The following FLT1 variants were observed in gnomAD, a reference collection of about 807,000 sequenced individuals.
The protein encoded by FLT1 is vascular endothelial growth factor receptor 1.
In FLT1, 49 loss-of-function variants were observed where a neutral mutation model predicts 156.3. The observed-to-expected ratio is 0.31, with a 90% CI of 0.25 to 0.40. FLT1 has a LOEUF of 0.40. Ranked by LOEUF, FLT1 falls within the 10% of genes least tolerant of loss-of-function variation. The probability of loss-of-function intolerance (pLI) is 1.00; values close to 1 mark genes in which losing one functional copy is unlikely to be tolerated. For missense variants in FLT1, 1,322 were observed against 1,637.2 expected, an observed-to-expected ratio of 0.81 and a Z score of 3.32; for synonymous variants, 594 against 583.8, an observed-to-expected ratio of 1.02 and a Z score of -0.25.
chr13:28,424,198 C>T (rs181983239), intron 10 of FLT1, among the ~76,000 whole-genome samples: 1 of 152,042 alleles, frequency 6.6e-6, no homozygotes, highest in Non-Finnish European at 1.5e-5. Context: ...CTTGGCCTCC[C>T]AAGGTGTTGG....
At chr13:28,309,916 G>A (rs1870928135) in intron 27 of FLT1, among the ~76,000 whole-genome samples, 1 of 113,466 alleles carries the variant, frequency 8.8e-6, no homozygotes, top group Non-Finnish European at 1.7e-5. Context: ...TGGAGACAGA[G>A]CCTTGCTCTG....
At chr13:28,374,024 T>G (rs1030703096) in intron 14 of FLT1, among the ~76,000 whole-genome samples, 3 of 152,162 alleles carry the variant, frequency 2.0e-5, no homozygotes, top group Admixed American at 6.5e-5. Context: ...AGGAGGTTAA[T>G]TCATAGTCAA....
intron 18 of FLT1, among the ~76,000 whole-genome samples, chr13:28,331,889 C>A (rs993229735): frequency 3.3e-5 from 5 of 152,048 alleles, no homozygotes; most frequent in Non-Finnish European, 7.4e-5. Flanking sequence ...GAAGACACTA[C>A]ACATGCAATC....
In FLT1 at chr13:28,300,538, CACACACACACACACACACAT is replaced by C. The variant is rs1369148429; in HGVS notation, c.*2609_*2628del. On this transcript the variant is annotated 3_prime_UTR_variant, in exon 30 of 30. Transcript: ENST00000282397. ...ACATACACCCACACACACACACACA[CACACACACACACACACACAT>C]ACAGTTACACCACTGTCGGCCAAAG... 2 of 232,692 alleles carry C rather than the reference CACACACACACACACACACAT, an allele frequency of 8.6e-6. No homozygotes were observed. Among genetic ancestry groups the C allele is most frequent in the African/African-American group, 4.4e-5 (2 of 45,090 alleles). 14.4% of individuals were successfully genotyped at this position (232,692 alleles called of 1,614,324 possible). A position where few individuals can be genotyped will look rare whatever the true frequency, so the allele number is the denominator to read the frequency against.
At chr13:28,466,184 T>C (rs769710817) in intron 3 of FLT1, among the ~76,000 whole-genome samples, 62 of 152,206 alleles carry the variant, frequency 4.1e-4, no homozygotes, top group Non-Finnish European at 8.5e-4. Context: ...TTACTGTGAG[T>C]TTCTACTTCT....
At chr13:28,481,051 G>A (rs1286045816) in intron 1 of FLT1, among the ~76,000 whole-genome samples, 2 of 152,176 alleles carry the variant, frequency 1.3e-5, no homozygotes, top group Non-Finnish European at 2.9e-5. Context: ...CAACCAAAAT[G>A]TTCTCATTCC....
intron 1 of FLT1, among the ~76,000 whole-genome samples, chr13:28,491,510 G>T (rs1005771354): frequency 6.6e-6 from 1 of 152,144 alleles, no homozygotes; most frequent in Non-Finnish European, 1.5e-5. Context: ...AAAAGCCCAA[G>T]ATAAAGATGA....
At chr13:28,304,565 G>A (rs552328618) in intron 29 of FLT1, among the ~76,000 whole-genome samples, 7 of 151,510 alleles carry the variant, frequency 4.6e-5, no homozygotes, top group South Asian at 2.1e-4. Flanking sequence ...TGCATAATTC[G>A]CCTATTTAAA....
chr13:28,469,815 G>A (rs991300706), intron 1 of FLT1, among the ~76,000 whole-genome samples: 3 of 152,000 alleles, frequency 2.0e-5, no homozygotes, highest in Non-Finnish European at 4.4e-5. Flanking sequence ...GCCTTGGTGC[G>A]ATCTTGACTC....
intron 14 of FLT1, among the ~76,000 whole-genome samples, chr13:28,379,678 G>A (rs922238655): frequency 5.9e-5 from 9 of 152,182 alleles, no homozygotes; most frequent in Non-Finnish European, 1.2e-4. Context: ...ATTGTCTCTT[G>A]CAATCCGTTC....
At chr13:28,335,246 A>G (rs1045837442) in intron 17 of FLT1, among the ~76,000 whole-genome samples, 1 of 152,090 alleles carries the variant, frequency 6.6e-6, no homozygotes, top group African/African-American at 2.4e-5. Context: ...TTCTTGGGGG[A>G]AGGGGAAATG....
chr13:28,363,350 G>A (rs1339424254), intron 14 of FLT1, among the ~76,000 whole-genome samples: 1 of 152,094 alleles, frequency 6.6e-6, no homozygotes, highest in Admixed American at 6.6e-5. Context: ...ACCCATTTCT[G>A]TCTTTAATAT....
At chr13:28,336,358 G>A (rs1410940188) in intron 17 of FLT1, among the ~76,000 whole-genome samples, 1 of 152,176 alleles carries the variant, frequency 6.6e-6, no homozygotes, top group Non-Finnish European at 1.5e-5. Context: ...GCAGACCCAT[G>A]GTTCCAGTTT....
intron 1 of FLT1, among the ~76,000 whole-genome samples, chr13:28,480,748 C>G (rs1214613810): frequency 2.6e-5 from 4 of 152,132 alleles, no homozygotes; most frequent in Non-Finnish European, 2.9e-5. Context: ...CTATCATCTT[C>G]TTTCAATGCT....
intron 29 of FLT1, among the ~76,000 whole-genome samples, chr13:28,305,435 C>T (rs181768082): frequency 9.1e-4 from 138 of 152,200 alleles, no homozygotes; most frequent in African/African-American, 3.1e-3. Flanking sequence ...ATGTTGCTCC[C>T]GGGCTCAAGT....
At chr13:28,435,650 G>A (rs1351505107) in intron 4 of FLT1, among the ~76,000 whole-genome samples, 1 of 152,198 alleles carries the variant, frequency 6.6e-6, no homozygotes, top group Admixed American at 6.5e-5. Context: ...ATTGCTTGCT[G>A]AAGGCGCTGA....
intron 1 of FLT1, 21 bp from the exon 2 acceptor site, chr13:28,467,638 A>G (rs776323352): frequency 7.4e-7 from 1 of 1,352,212 alleles, no homozygotes; most frequent in Non-Finnish European, 1.0e-6. Flanking sequence ...AATTTTTAAA[A>G]TGTATTATTT....
At chr13:28,319,572 G>T (rs768101089) in intron 23 of FLT1, 38 bp from the exon 24 acceptor site, 1 of 1,259,988 alleles carries the variant, frequency 7.9e-7, no homozygotes, top group South Asian at 1.2e-5. Context: ...AGAAGGGCAT[G>T]AAAACAAAGC....
intron 12 of FLT1, among the ~76,000 whole-genome samples, chr13:28,394,725 A>G (rs1874939103): frequency 6.6e-6 from 1 of 152,124 alleles, no homozygotes; most frequent in African/African-American, 2.4e-5. Context: ...CTCTTCCCAC[A>G]ATGTGAAGAG....
Sources: gnomAD v4.1 joint callset for allele counts (sites outside exome capture counted in the v4.1 genomes callset) on GRCh38, gnomAD v4.1.1 for gene constraint, MANE v1.5 for transcripts, NCBI Gene and HGNC (gene_info 2026-07-23, HGNC 2026-07-21) for gene names.